Variants in NR1H4 observed in about 807,000 individuals in gnomAD.
The protein encoded by NR1H4 is nuclear receptor subfamily 1 group H member 4.
Under a neutral mutation model 58.5 loss-of-function variants are expected in NR1H4, and 23 were observed. That is an observed-to-expected ratio of 0.39 (90% CI 0.28 to 0.56). The LOEUF (loss-of-function observed/expected upper bound fraction) is 0.56, where lower values mean the gene tolerates loss of function less well. Ranked by LOEUF, NR1H4 falls within the 20% of genes least tolerant of loss-of-function variation. The pLI, the probability that NR1H4 is intolerant of heterozygous loss-of-function variation, is 0.58. For missense variants in NR1H4, 487 were observed against 576.9 expected (o/e 0.84, Z 1.60); for synonymous variants, 214 against 198.0 (o/e 1.08, Z -0.68).
At chr12:100,478,664 C>A (rs1953318642) in intron 1 of NR1H4, among the ~76,000 whole-genome samples, 1 of 152,180 alleles carries the variant, frequency 6.6e-6, no homozygotes, top group African/African-American at 2.4e-5. Flanking sequence ...GAGCACAGTT[C>A]ATTTAGCCAT....
At chr12:100,516,528 G>A (rs377028150) in intron 4 of NR1H4, among the ~76,000 whole-genome samples, 1 of 151,904 alleles carries the variant, frequency 6.6e-6, no homozygotes, top group Non-Finnish European at 1.5e-5. Flanking sequence ...CACCACGCCC[G>A]GCTAATTTTT....
intron 4 of NR1H4, among the ~76,000 whole-genome samples, chr12:100,518,178 G>A (rs1308602253): frequency 1.3e-5 from 2 of 152,308 alleles, no homozygotes; most frequent in South Asian, 2.1e-4. Flanking sequence ...GTCCACCTGC[G>A]AAGAGTTCTG....
intron 1 of NR1H4, among the ~76,000 whole-genome samples, chr12:100,488,442 TACTCATAATAGC>T (rs1468654635): frequency 6.6e-6 from 1 of 152,224 alleles, no homozygotes; most frequent in Admixed American, 6.5e-5. Flanking sequence ...AGTAAATGGG[TACTCATAATAGC>T]TAGTCATAAA....
chr12:100,487,144 A>T (rs1054696787), intron 1 of NR1H4, among the ~76,000 whole-genome samples: 1 of 152,176 alleles, frequency 6.6e-6, no homozygotes, highest in African/African-American at 2.4e-5. Context: ...TTTGTCACCT[A>T]GTAAATTAGA....
At chr12:100,501,738 A>G (rs371883793) in intron 3 of NR1H4, among the ~76,000 whole-genome samples, 75 of 152,266 alleles carry the variant, frequency 4.9e-4, no homozygotes, top group African/African-American at 1.7e-3. Flanking sequence ...AATTGCTTTC[A>G]TATTTACTAT....
chr12:100,515,174 T>G (rs966732866), intron 4 of NR1H4, among the ~76,000 whole-genome samples: 68 of 146,770 alleles, frequency 4.6e-4, no homozygotes, highest in Non-Finnish European at 3.2e-4. Flanking sequence ...GCTTTTTTTT[T>G]TTTTTTTTTT....
chr12:100,508,196 A>T (rs1236601548), intron 3 of NR1H4, among the ~76,000 whole-genome samples: 2 of 152,102 alleles, frequency 1.3e-5, no homozygotes, highest in African/African-American at 4.8e-5. Flanking sequence ...TAGTGAGATG[A>T]AGCCCTGGAA....
intron 8 of NR1H4, 51 bp downstream of exon 8, chr12:100,537,098 C>T (rs1413204988): frequency 4.6e-6 from 5 of 1,091,572 alleles, no homozygotes; most frequent in Non-Finnish European, 6.9e-6. Context: ...TAAATATGTG[C>T]CCACAGATTA....
At position 100,549,213 on chromosome 12, in the gene NR1H4, C is replaced by T. The variant is rs183262231; in HGVS notation, c.1078+8395C>T. ...ATTAGCCGGGCATGGTGGCATGTGC[C>T]GGTAGTCCCAGCTACTCTGAAGGCT... On this transcript the variant is annotated intron_variant, in intron 9 of 10. Transcript: ENST00000392986. Among the ~76,000 whole-genome samples the T allele has an allele frequency of 1.6e-3, 238 of 152,210 alleles. 1 individual carries two copies. The highest frequency in any genetic ancestry group is 5.6e-3 in the African/African-American group (231 of 41,538).
chr12:100,476,898 T>A lies in NR1H4; in HGVS notation c.-190+2839T>A, dbSNP rs183157041. ...AGAGACACCACCTCAAAATTTTTTTTAAAAAATAAGAAATAGGAACAATTT... is the reference window on the plus strand; with the variant it reads ...AGAGACACCACCTCAAAATTTTTTTAAAAAAATAAGAAATAGGAACAATTT... On this transcript the variant is annotated intron_variant, in intron 1 of 10. Coordinates refer to ENST00000392986, the MANE Select transcript of NR1H4 (RefSeq NM_001206979.2). 7.4e-3 allele frequency among the ~76,000 whole-genome samples: 1,130 copies of A among 152,178 alleles called. 14 individuals are homozygous for A. The highest frequency in any genetic ancestry group is 0.024 in the African/African-American group (993 of 41,506).
At chr12:100,548,314 C>T (rs1955126165) in intron 9 of NR1H4, among the ~76,000 whole-genome samples, 1 of 150,772 alleles carries the variant, frequency 6.6e-6, no homozygotes. Context: ...TTTCAGTGAG[C>T]CAAGATTGCA....
At chr12:100,533,101 T>C (rs1954734622) in intron 5 of NR1H4, among the ~76,000 whole-genome samples, 1 of 152,220 alleles carries the variant, frequency 6.6e-6, no homozygotes, top group African/African-American at 2.4e-5. Flanking sequence ...TGAACCAATT[T>C]GTATAGGTTT....
chr12:100,532,095 A>C (rs149305545), intron 4 of NR1H4, among the ~76,000 whole-genome samples: 14 of 152,104 alleles, frequency 9.2e-5, no homozygotes, highest in African/African-American at 3.4e-4. Flanking sequence ...CCAGCCTTTA[A>C]ACTCTTGGAG....
chr12:100,476,717 G>A (rs543254993), intron 1 of NR1H4, among the ~76,000 whole-genome samples: 1 of 152,176 alleles, frequency 6.6e-6, no homozygotes, highest in African/African-American at 2.4e-5. Flanking sequence ...GATTATAAAG[G>A]GGAATAAAAG....
At chr12:100,542,359 GC>G (rs778000898) in intron 9 of NR1H4, among the ~76,000 whole-genome samples, 20 of 151,802 alleles carry the variant, frequency 1.3e-4, no homozygotes, top group Non-Finnish European at 2.5e-4. Context: ...AAAAAAAGAA[GC>G]TTTGTGTCTT....
chr12:100,486,446 TA>T (rs1413706719), intron 1 of NR1H4, among the ~76,000 whole-genome samples: 1 of 152,114 alleles, frequency 6.6e-6, no homozygotes, highest in Non-Finnish European at 1.5e-5. Flanking sequence ...CTGGAACATA[TA>T]GGGGAAAAAT....
At chr12:100,478,438 T>A (rs1435704656) in intron 1 of NR1H4, among the ~76,000 whole-genome samples, 1 of 152,146 alleles carries the variant, frequency 6.6e-6, no homozygotes, top group Non-Finnish European at 1.5e-5. Flanking sequence ...AGCATCTGAT[T>A]ATATAATTGG....
At chr12:100,487,909 G>C (rs1953529100) in intron 1 of NR1H4, among the ~76,000 whole-genome samples, 1 of 151,732 alleles carries the variant, frequency 6.6e-6, no homozygotes, top group Non-Finnish European at 1.5e-5. Context: ...ACTATGTCTG[G>C]CCTTTAGCTG....
intron 4 of NR1H4, among the ~76,000 whole-genome samples, chr12:100,517,592 T>C (rs1299328107): frequency 6.6e-6 from 1 of 152,226 alleles, no homozygotes; most frequent in Non-Finnish European, 1.5e-5. Flanking sequence ...TTTTTAATTT[T>C]GTGAGGAAAC....
Sources: allele counts gnomAD v4.1 joint callset (sites outside exome capture counted in the v4.1 genomes callset), GRCh38; gene constraint gnomAD v4.1.1; transcripts MANE v1.5; gene names NCBI Gene and HGNC (gene_info 2026-07-23, HGNC 2026-07-21).